Variants in GBF1 observed in about 807,000 individuals in gnomAD.
GBF1 encodes the protein Golgi-specific brefeldin A-resistance guanine nucleotide exchange factor 1.
GBF1 carries 114 observed loss-of-function variants against 210.5 expected under a neutral mutation model. That is an observed-to-expected ratio of 0.54 (90% CI 0.47 to 0.63). The LOEUF (loss-of-function observed/expected upper bound fraction) is 0.63, where lower values mean the gene tolerates loss of function less well. Ranked by LOEUF, GBF1 falls within the 30% of genes least tolerant of loss-of-function variation. The probability of loss-of-function intolerance (pLI) is 0.00; values close to 1 mark genes in which losing one functional copy is unlikely to be tolerated. For missense variants in GBF1, 1,851 were observed against 2,357.7 expected, an observed-to-expected ratio of 0.79 and a Z score of 4.45; for synonymous variants, 850 against 889.2, an observed-to-expected ratio of 0.96 and a Z score of 0.78.
chr10:102,361,961 A>G, intron 14 of GBF1, 49 bp downstream of exon 14: 4 of 1,145,096 alleles, frequency 3.5e-6, no homozygotes, highest in Non-Finnish European at 4.9e-6. Flanking sequence ...TTATAAAGGA[A>G]ATCTCCCTGG....
intron 3 of GBF1, among the ~76,000 whole-genome samples, chr10:102,295,764 A>T (rs950106876): frequency 1.3e-5 from 2 of 152,204 alleles, no homozygotes; most frequent in African/African-American, 4.8e-5. Context: ...TCGAAGAGGA[A>T]TATTAGAATG....
Position 102,361,825 on chromosome 10 carries a change from C to A in GBF1, c.1599C>A (p.Pro533=), listed in dbSNP as rs1303146402. ...CCATTGTGCAGCTCTGGCGCATCCCCAGCTTTGTCACAGAGCTCTACATCA... is the reference window on the plus strand; with the variant it reads ...CCATTGTGCAGCTCTGGCGCATCCCAAGCTTTGTCACAGAGCTCTACATCA... ...LEAIVQLWRI[P]SFVTELYINY... is the part of the protein sequence containing the mutation. Residue 533 remains proline, a synonymous_variant, in exon 14 of 40, where the codon CCC becomes CCA. Transcript: ENST00000369983. 1.2e-6 allele frequency: 2 copies of A among 1,613,694 alleles called. No homozygotes were observed. The highest frequency in any genetic ancestry group is 1.7e-6 in the Non-Finnish European group (2 of 1,179,716).
Position 102,369,756 on chromosome 10 carries a change from G to A in GBF1, c.3196G>A (p.Glu1066Lys), listed in dbSNP as rs1007982063. Residue 1066 changes from glutamate (E) to lysine (K), a missense_variant, in exon 25 of 40, where the codon GAA becomes AAA. Glu to Lys is a moderately conservative substitution (Grantham distance 56). Transcript: ENST00000369983. ...DPNGKISLQR[E>K]ETPSNRGEST... ...CAATGGCAAGATCTCTCTACAGCGG[G>A]AAGAGACACCATCAAACCGGTAAGA... 7 of 1,614,182 alleles carry A rather than the reference G, an allele frequency of 4.3e-6. No homozygotes were observed. The East Asian group carries it at 1.1e-4, about 26-fold the overall frequency.
intron 3 of GBF1, among the ~76,000 whole-genome samples, chr10:102,319,783 C>T (rs952811234): frequency 1.4e-5 from 2 of 144,332 alleles, no homozygotes; most frequent in African/African-American, 5.2e-5. Context: ...GGCTGGAGTG[C>T]AGTGATGTGA....
chr10:102,259,625 A>G (rs967136665), intron 2 of GBF1, among the ~76,000 whole-genome samples: 23 of 152,222 alleles, frequency 1.5e-4, no homozygotes, highest in African/African-American at 5.5e-4. Context: ...ATATGAACAT[A>G]GTTGGTAAGT....
intron 3 of GBF1, among the ~76,000 whole-genome samples, chr10:102,290,502 T>C (rs958095057): frequency 3.3e-5 from 5 of 152,102 alleles, no homozygotes; most frequent in Non-Finnish European, 5.9e-5. Context: ...TTTTTAATTT[T>C]TAATTTAATT....
intron 3 of GBF1, among the ~76,000 whole-genome samples, chr10:102,289,695 T>C (rs1215742887): frequency 1.3e-5 from 2 of 152,208 alleles, no homozygotes; most frequent in Admixed American, 1.3e-4. Context: ...CCTTTGGGTG[T>C]TTTTTTGATG....
intron 3 of GBF1, among the ~76,000 whole-genome samples, chr10:102,298,168 C>T (rs1314647466): frequency 1.3e-5 from 2 of 152,018 alleles, no homozygotes; most frequent in Admixed American, 6.6e-5. Context: ...CTCCTGACCT[C>T]GTGATCCCCC....
At chr10:102,352,700 G>A (rs1296042631) in intron 7 of GBF1, among the ~76,000 whole-genome samples, 182 bp downstream of exon 7, 3 of 152,138 alleles carry the variant, frequency 2.0e-5, no homozygotes, top group Non-Finnish European at 4.4e-5. Context: ...GGAGGGAGCT[G>A]ATTTGGCCTC....
At chr10:102,335,465 G>A (rs2057664908) in intron 3 of GBF1, among the ~76,000 whole-genome samples, 1 of 152,206 alleles carries the variant, frequency 6.6e-6, no homozygotes, top group Non-Finnish European at 1.5e-5. Flanking sequence ...AAGGACTCAG[G>A]CAGTTTTCAC....
intron 3 of GBF1, among the ~76,000 whole-genome samples, chr10:102,318,884 A>G (rs1409417358): frequency 6.6e-6 from 1 of 152,156 alleles, no homozygotes; most frequent in Non-Finnish European, 1.5e-5. Context: ...TCCCAATATA[A>G]TTATCACCCC....
At chr10:102,231,169 C>A in the GBF1 span, 1 of 1,405,814 alleles carries the variant, frequency 7.1e-7, no homozygotes, top group South Asian at 1.5e-5. Flanking sequence ...GCGGGCCACC[C>A]CGACGGGGCT....
chr10:102,271,131 G>A (rs904151385), intron 3 of GBF1, among the ~76,000 whole-genome samples: 54 of 151,690 alleles, frequency 3.6e-4, no homozygotes, highest in African/African-American at 1.3e-3. Flanking sequence ...TCCGCCTCCT[G>A]GGTTCATGCC....
chr10:102,231,208 G>A, the GBF1 span: 1 of 1,096,336 alleles, frequency 9.1e-7, no homozygotes, highest in East Asian at 2.7e-5. Flanking sequence ...GTCAATAAAC[G>A]AGATGAGGTG....
intron 3 of GBF1, among the ~76,000 whole-genome samples, chr10:102,261,606 T>C (rs1342137073): frequency 7.1e-6 from 1 of 141,016 alleles, no homozygotes. Flanking sequence ...ATATTTTCTT[T>C]CTTTCTTTCT....
chr10:102,350,637 GC>G (rs1308645111), intron 4 of GBF1, among the ~76,000 whole-genome samples: 2 of 152,230 alleles, frequency 1.3e-5, no homozygotes, highest in East Asian at 3.9e-4. Context: ...ATGGTCCCCT[GC>G]TCGGTGGTGT....
intron 3 of GBF1, among the ~76,000 whole-genome samples, chr10:102,315,620 CAT>C (rs2078861520): frequency 6.6e-6 from 1 of 152,158 alleles, no homozygotes; most frequent in African/African-American, 2.4e-5. Flanking sequence ...ACATCCCTCA[CAT>C]GTGCAGTTCA....
chr10:102,342,389 GCACACACA>G (rs144630206), intron 3 of GBF1, among the ~76,000 whole-genome samples: 13 of 144,010 alleles, frequency 9.0e-5, no homozygotes, highest in Admixed American at 2.1e-4. Context: ...TCACACACAC[GCACACACA>G]CACACACACA....
intron 3 of GBF1, among the ~76,000 whole-genome samples, chr10:102,291,929 G>A (rs182865698): frequency 1.4e-5 from 2 of 139,872 alleles, no homozygotes; most frequent in African/African-American, 2.7e-5. Flanking sequence ...TCGCTGTGTC[G>A]CCCAGGCTGG....
Sources: gnomAD v4.1 joint callset for allele counts (sites outside exome capture counted in the v4.1 genomes callset) on GRCh38, gnomAD v4.1.1 for gene constraint, MANE v1.5 for transcripts, NCBI Gene and HGNC (gene_info 2026-07-23, HGNC 2026-07-21) for gene names.